The following SEMA3C variants were observed in gnomAD, a reference collection of about 807,000 sequenced individuals.
SEMA3C encodes semaphorin 3C.
SEMA3C carries 47 observed loss-of-function variants against 89.4 expected under a neutral mutation model. That is an observed-to-expected ratio of 0.53 (90% confidence interval 0.42 to 0.67). The LOEUF (loss-of-function observed/expected upper bound fraction) is 0.67. Among genes scored for constraint, SEMA3C ranks in the 30% least tolerant of loss-of-function variants. The pLI, the probability that SEMA3C is intolerant of heterozygous loss-of-function variation, is 0.00. For missense variants in SEMA3C, 839 were observed against 929.1 expected, an observed-to-expected ratio of 0.90 and a Z score of 1.26; for synonymous variants, 310 against 320.2, an observed-to-expected ratio of 0.97 and a Z score of 0.34.
chr7:80,853,484 A>G (rs1305859198), intron 2 of SEMA3C, among the ~76,000 whole-genome samples: 3 of 152,224 alleles, frequency 2.0e-5, no homozygotes, highest in Non-Finnish European at 4.4e-5. Flanking sequence ...TTGAAACGGG[A>G]AGATATTATG....
At chr7:80,916,483 T>C (rs1029426396) in intron 2 of SEMA3C, among the ~76,000 whole-genome samples, 196 bp downstream of exon 2, 2 of 152,200 alleles carry the variant, frequency 1.3e-5, no homozygotes, top group Non-Finnish European at 2.9e-5. Flanking sequence ...TTTTCATAAA[T>C]ACCTCAAATC....
chr7:80,750,030 C>A (rs374438607), intron 16 of SEMA3C, among the ~76,000 whole-genome samples: 3 of 152,196 alleles, frequency 2.0e-5, no homozygotes, highest in South Asian at 4.1e-4. Flanking sequence ...TAAGCAAAAT[C>A]TGTCTTAATT....
Position 80,863,871 on chromosome 7 carries a change from T to TATATGTATC in SEMA3C, c.104-35135_104-35127dup, listed in dbSNP as rs1562912042. On this transcript the variant is annotated intron_variant, in intron 2 of 17. Transcript: ENST00000265361. ...ATATCACATACATATGTATCACATA[T>TATATGTATC]ATATGTATCACATATATATCACACA... Among the ~76,000 whole-genome samples, 43 of 122,634 alleles carry TATATGTATC rather than the reference T, an allele frequency of 3.5e-4. 1 individual carries two copies. The highest frequency in any genetic ancestry group is 1.4e-3 in the African/African-American group (40 of 27,732). The allele number at this position is 122,634 out of a possible 152,430, so 80.5% of individuals were successfully genotyped here.
rs143470464 is a variant in SEMA3C at position 80,797,659 on chromosome 7, T to A, written c.1131+433A>T. On this transcript the variant is annotated intron_variant, in intron 11 of 17. Transcript: ENST00000265361. ...ATTCCTAGAAATGGAACTATCTCTA[T>A]GTGAAGTATCTCTAAATTATTTCTC... is the stretch of plus-strand genomic sequence containing the variant. 7.2e-5 allele frequency among the ~76,000 whole-genome samples: 11 copies of A among 152,336 alleles called. No homozygotes were observed. In the East Asian group the frequency reaches 2.1e-3, roughly 29 times the overall value.
At chr7:80,858,954 T>C (rs1790708232) in intron 2 of SEMA3C, among the ~76,000 whole-genome samples, 2 of 152,168 alleles carry the variant, frequency 1.3e-5, no homozygotes. Context: ...GCATCATTTG[T>C]CCTCTTTATT....
At chr7:80,862,340 T>C (rs1345353250) in intron 2 of SEMA3C, among the ~76,000 whole-genome samples, 2 of 151,888 alleles carry the variant, frequency 1.3e-5, no homozygotes, top group East Asian at 1.9e-4. Context: ...ACTTTTTCAA[T>C]AGCTGCAAAA....
At chr7:80,787,410 A>AAAG (rs1158356032) in intron 12 of SEMA3C, among the ~76,000 whole-genome samples, 12 of 151,340 alleles carry the variant, frequency 7.9e-5, no homozygotes, top group Non-Finnish European at 1.6e-4. Context: ...AAAAAAAAAA[A>AAAG]AAAAAGGTGG....
At chr7:80,827,990 T>C (rs1311406682) in intron 3 of SEMA3C, among the ~76,000 whole-genome samples, 1 of 141,948 alleles carries the variant, frequency 7.0e-6, no homozygotes, top group African/African-American at 2.5e-5. Flanking sequence ...ACTGTGCTAG[T>C]ACTCTAAGTA....
At chr7:80,770,995 A>G (rs1347813948) in intron 12 of SEMA3C, among the ~76,000 whole-genome samples, 1 of 152,254 alleles carries the variant, frequency 6.6e-6, no homozygotes, top group Non-Finnish European at 1.5e-5. Flanking sequence ...AAATTCAGCT[A>G]TGTCTGAGGC....
intron 2 of SEMA3C, among the ~76,000 whole-genome samples, chr7:80,901,581 A>C (rs558336194): frequency 2.4e-4 from 37 of 152,382 alleles, no homozygotes; most frequent in Non-Finnish European, 4.6e-4. Flanking sequence ...TTTCAAAGGG[A>C]AAATGTATCT....
intron 5 of SEMA3C, chr7:80,816,372 A>T (rs544814911): frequency 6.6e-6 from 1 of 152,262 alleles, no homozygotes; most frequent in Non-Finnish European, 1.5e-5. Context: ...GAAAAATGTC[A>T]TCTCTTAATA....
chr7:80,764,442 T>C (rs1177120426), intron 13 of SEMA3C, among the ~76,000 whole-genome samples: 1 of 152,118 alleles, frequency 6.6e-6, no homozygotes, highest in African/African-American at 2.4e-5. Flanking sequence ...ACTGACACTG[T>C]GAGTAGAGAA....
In SEMA3C at chr7:80,789,531, A is replaced by G. The variant is rs770090608; in HGVS notation, c.1132-3T>C. On this transcript the variant is annotated splice_polypyrimidine_tract_variant and splice_region_variant and intron_variant, in intron 11 of 17. Transcript: ENST00000265361. ...GGTGTAAATGCTCCTCCTGGACACT[A>G]GAAAGAAAGTTTTAAAGAACCAAGT... The G allele has an allele frequency of 2.5e-5, 40 of 1,577,772 alleles. 1 individual carries two copies. In the South Asian group the frequency reaches 4.5e-4, roughly 18 times the overall value.
chr7:80,902,833 A>C (rs1405172637), intron 2 of SEMA3C, among the ~76,000 whole-genome samples: 1 of 152,166 alleles, frequency 6.6e-6, no homozygotes, highest in Non-Finnish European at 1.5e-5. Flanking sequence ...TGTTGAGTAT[A>C]CCAAAACAGA....
chr7:80,861,378 A>C (rs1391743317), intron 2 of SEMA3C, among the ~76,000 whole-genome samples: 2 of 152,180 alleles, frequency 1.3e-5, no homozygotes, highest in African/African-American at 4.8e-5. Flanking sequence ...ACTTAATAGC[A>C]TGATATTACA....
intron 12 of SEMA3C, among the ~76,000 whole-genome samples, chr7:80,787,492 T>C (rs927183096): frequency 5.4e-5 from 8 of 147,516 alleles, no homozygotes; most frequent in Non-Finnish European, 8.9e-5. Context: ...AGGGAACCAC[T>C]AGGAGGAGAG....
chr7:80,759,105 C>T (rs1356824672), intron 14 of SEMA3C, among the ~76,000 whole-genome samples: 4 of 152,016 alleles, frequency 2.6e-5, no homozygotes, highest in Non-Finnish European at 5.9e-5. Flanking sequence ...CTTCATCATC[C>T]TAAAAACCTC....
intron 5 of SEMA3C, among the ~76,000 whole-genome samples, 171 bp from the exon 6 acceptor site, chr7:80,810,872 CT>C (rs766227002): frequency 9.1e-4 from 139 of 152,286 alleles, no homozygotes; most frequent in Middle Eastern, 3.4e-3. Flanking sequence ...AAGAATCGAT[CT>C]GTAATTACAA....
chr7:80,916,636 C>T (rs757968129), intron 2 of SEMA3C, 43 bp downstream of exon 2: 148 of 1,559,414 alleles, frequency 9.5e-5, no homozygotes, highest in Non-Finnish European at 1.2e-4. Context: ...GATAACAAAA[C>T]TTAAAATAAC....
Sources: gnomAD v4.1 joint callset for allele counts (sites outside exome capture counted in the v4.1 genomes callset) on GRCh38, gnomAD v4.1.1 for gene constraint, MANE v1.5 for transcripts, NCBI Gene and HGNC (gene_info 2026-07-23, HGNC 2026-07-21) for gene names.